CUX1: variants seen among roughly 807,000 people sequenced by gnomAD.
CUX1 encodes cut like homeobox 1, also known as protein CASP.
Under a neutral mutation model 158.8 loss-of-function variants are expected in CUX1, and 31 were observed. The observed-to-expected ratio is 0.20, with a 90% confidence interval of 0.15 to 0.26. The LOEUF is 0.26. Among genes scored for constraint, CUX1 ranks in the 10% least tolerant of loss-of-function variants. The probability of loss-of-function intolerance (pLI) is 1.00; values close to 1 mark genes in which losing one functional copy is unlikely to be tolerated. For synonymous variants in CUX1, 879 were observed against 862.1 expected (o/e 1.02, Z -0.34); for missense variants, 1,589 against 2,014.6 (o/e 0.79, Z 4.04).
chr7:102,270,782 C>T (rs1288055963), intron 14 of CUX1, among the ~76,000 whole-genome samples: 36 of 152,204 alleles, frequency 2.4e-4, no homozygotes, highest in African/African-American at 8.7e-4. Flanking sequence ...TCCAGGATAG[C>T]GGGCCACCAG....
At chr7:102,226,176 C>G (rs1554528529) in intron 20 of CUX1, among the ~76,000 whole-genome samples, 1 of 152,206 alleles carries the variant, frequency 6.6e-6, no homozygotes. Flanking sequence ...CACTGGGCAC[C>G]CACGGCGACC....
intron 4 of CUX1, among the ~76,000 whole-genome samples, chr7:102,079,570 C>A (rs782016112): frequency 7.9e-5 from 12 of 152,160 alleles, no homozygotes; most frequent in Non-Finnish European, 1.6e-4. Flanking sequence ...CAGCCTGATT[C>A]TGTACGGTGA....
intron 7 of CUX1, among the ~76,000 whole-genome samples, chr7:102,114,425 C>T (rs899789273): frequency 1.3e-5 from 2 of 152,158 alleles, no homozygotes; most frequent in Non-Finnish European, 2.9e-5. Context: ...ACAGGCTATG[C>T]GCCACCATGC....
chr7:102,052,136 A>G (rs968758262), intron 3 of CUX1, among the ~76,000 whole-genome samples: 5 of 151,774 alleles, frequency 3.3e-5, no homozygotes, highest in Non-Finnish European at 5.9e-5. Flanking sequence ...CAGGAGAATC[A>G]CTTGAACCTG....
intron 3 of CUX1, among the ~76,000 whole-genome samples, chr7:102,039,988 G>A (rs1478762419): frequency 6.6e-5 from 10 of 152,166 alleles, no homozygotes; most frequent in African/African-American, 2.4e-4. Flanking sequence ...GTTCAGAGCT[G>A]CATGCAGGAC....
intron 15 of CUX1, among the ~76,000 whole-genome samples, chr7:102,197,788 G>A (rs1794946599): frequency 6.6e-6 from 1 of 152,158 alleles, no homozygotes. Context: ...CCCCGCAGAA[G>A]AGGGCGTGTC....
At chr7:101,910,295 C>T (rs1803272907) in intron 1 of CUX1, among the ~76,000 whole-genome samples, 1 of 152,034 alleles carries the variant, frequency 6.6e-6, no homozygotes, top group South Asian at 2.1e-4. Flanking sequence ...CACAGGCACC[C>T]ACCACCGTGT....
intron 22 of CUX1, among the ~76,000 whole-genome samples, chr7:102,234,524 T>G (rs1285118962): frequency 1.5e-4 from 23 of 152,078 alleles, no homozygotes; most frequent in Non-Finnish European, 1.5e-5. Flanking sequence ...CTGCATTTGG[T>G]TTTTGTGTTG....
chr7:101,970,177 A>C (rs1466976730), intron 2 of CUX1, among the ~76,000 whole-genome samples: 1 of 152,108 alleles, frequency 6.6e-6, no homozygotes, highest in South Asian at 2.1e-4. Flanking sequence ...TTATTCTCTT[A>C]GCAAACGTTG....
At chr7:101,913,461 C>T (rs1291022399) in intron 1 of CUX1, 1 of 1,191,520 alleles carries the variant, frequency 8.4e-7, no homozygotes, top group Middle Eastern at 2.3e-4. Flanking sequence ...TGCACCGGGC[C>T]ACCTGTTTCA....
chr7:102,067,945 C>T (rs1436107454), intron 3 of CUX1, among the ~76,000 whole-genome samples: 2 of 151,636 alleles, frequency 1.3e-5, no homozygotes, highest in South Asian at 2.1e-4. Flanking sequence ...TGTTTGAACC[C>T]GGGAGGTGGA....
chr7:102,195,395 G>C, intron 13 of CUX1, 112 bp from the exon 14 acceptor site: 1 of 787,862 alleles, frequency 1.3e-6, no homozygotes, highest in Non-Finnish European at 2.0e-6. Flanking sequence ...ATCAGATCGA[G>C]AGCTGGGTGG....
chr7:101,897,439 C>T (rs1009914552), intron 1 of CUX1, among the ~76,000 whole-genome samples: 1 of 151,586 alleles, frequency 6.6e-6, no homozygotes, highest in Non-Finnish European at 1.5e-5. Context: ...AGTTCAAGCC[C>T]GCAGTGAGCT....
At chr7:102,268,741 C>T (rs1790988356) in intron 14 of CUX1, among the ~76,000 whole-genome samples, 1 of 151,974 alleles carries the variant, frequency 6.6e-6, no homozygotes, top group Non-Finnish European at 1.5e-5. Flanking sequence ...AGGCTTTACT[C>T]ATGGTGGAAG....
Position 102,197,257 on chromosome 7 carries a change from G to C in CUX1, c.1846G>C (p.Asp616His). The C allele has an allele frequency of 6.2e-7, 1 of 1,614,128 alleles. No individual in the cohort carries two copies. Among genetic ancestry groups the C allele is most frequent in the Non-Finnish European group, 8.5e-7 (1 of 1,180,020 alleles). The change falls in exon 15 of 24, where the codon GAT becomes CAT. Residue 616 changes from aspartate (D) to histidine (H), a missense_variant. Physicochemically the swap from Asp to His is moderately conservative, Grantham distance 81. Transcript: ENST00000292535. ...TCACAAGATGAAACAGTTCCTCTCC[G>C]ATGAGCAGAACATCCTGGCCCTCCG... ...PFHKMKQFLS[D>H]EQNILALRSI...
chr7:102,175,930 G>A (rs1355585529), intron 10 of CUX1, among the ~76,000 whole-genome samples: 1 of 152,208 alleles, frequency 6.6e-6, no homozygotes, highest in Non-Finnish European at 1.5e-5. Flanking sequence ...CTCGATTTCT[G>A]TAATTGCCTC....
At chr7:102,097,814 T>C (rs1234892748) in intron 5 of CUX1, among the ~76,000 whole-genome samples, 2 of 152,222 alleles carry the variant, frequency 1.3e-5, no homozygotes, top group Admixed American at 1.3e-4. Flanking sequence ...GCCCATGCAT[T>C]GCCTCCAGGC....
chr7:102,250,062 G>GAAAAAAAAAAAAAAAAAAAAAGA lies in CUX1; in HGVS notation c.*1032_*1033insAAAAAAAAAGAAAAAAAAAAAAA. ...TCAGGACAAAAAAAAGAAAAAAAAA[G>GAAAAAAAAAAAAAAAAAAAAAGA]AAAAAAAAAAAAGAAAAGATCCGAA... On this transcript the variant is annotated 3_prime_UTR_variant, in exon 24 of 24. Transcript: ENST00000292535. The GAAAAAAAAAAAAAAAAAAAAAGA allele has an allele frequency of 1.8e-6, 1 of 551,562 alleles. No individual in the cohort carries two copies. 34.2% of individuals were successfully genotyped at this position (551,562 alleles called of 1,614,324 possible). A position where few individuals can be genotyped will look rare whatever the true frequency, so the allele number is the denominator to read the frequency against.
At chr7:102,011,531 C>T (rs548297195) in intron 2 of CUX1, among the ~76,000 whole-genome samples, 10 of 151,908 alleles carry the variant, frequency 6.6e-5, no homozygotes, top group East Asian at 1.9e-4. Context: ...TACAGGTGTG[C>T]GCCACCATGC....
Sources: gnomAD v4.1 joint callset for allele counts (sites outside exome capture counted in the v4.1 genomes callset) on GRCh38, gnomAD v4.1.1 for gene constraint, MANE v1.5 for transcripts, NCBI Gene and HGNC (gene_info 2026-07-23, HGNC 2026-07-21) for gene names.